ADD3: variants seen among roughly 807,000 people sequenced by gnomAD.
The protein encoded by ADD3 is gamma-adducin.
ADD3 carries 25 observed loss-of-function variants against 80.2 expected under a neutral mutation model. That is an observed-to-expected ratio of 0.31 (90% CI 0.23 to 0.44). The LOEUF (loss-of-function observed/expected upper bound fraction) is 0.44, where lower values mean the gene tolerates loss of function less well. Ranked by LOEUF, ADD3 falls within the 20% of genes least tolerant of loss-of-function variation. The probability of loss-of-function intolerance (pLI) is 1.00; values close to 1 mark genes in which losing one functional copy is unlikely to be tolerated. For missense variants in ADD3, 829 were observed against 847.5 expected (o/e 0.98, Z 0.27); for synonymous variants, 284 against 289.6 (o/e 0.98, Z 0.20).
intron 10 of ADD3, among the ~76,000 whole-genome samples, chr10:110,124,659 T>C (rs759665405): frequency 8.5e-5 from 13 of 152,184 alleles, no homozygotes; most frequent in Non-Finnish European, 2.9e-5. Flanking sequence ...CACCAGTGAA[T>C]TAAAACTGTA....
chr10:110,017,431 T>C (rs1176857593), intron 1 of ADD3, among the ~76,000 whole-genome samples: 2 of 152,232 alleles, frequency 1.3e-5, no homozygotes, highest in African/African-American at 2.4e-5. Flanking sequence ...CCTTCTGCTA[T>C]ATTTAAAACC....
chr10:110,006,876 C>T (rs1237073512), upstream of ADD3, among the ~76,000 whole-genome samples: 8 of 151,614 alleles, frequency 5.3e-5, no homozygotes, highest in African/African-American at 1.9e-4. Context: ...GGGTGGGGAA[C>T]GAAGTTTGTT....
intron 1 of ADD3, among the ~76,000 whole-genome samples, chr10:110,071,790 TG>T (rs1253171474): frequency 2.0e-5 from 3 of 152,214 alleles, no homozygotes; most frequent in African/African-American, 7.2e-5. Flanking sequence ...TTGTTTTAAA[TG>T]GGGATCATGC....
intron 1 of ADD3, among the ~76,000 whole-genome samples, chr10:110,086,768 C>T (rs1248429576): frequency 6.6e-6 from 1 of 152,150 alleles, no homozygotes; most frequent in Non-Finnish European, 1.5e-5. Context: ...GTAAATTAAA[C>T]CTCTTTATAG....
intron 1 of ADD3, among the ~76,000 whole-genome samples, chr10:110,072,820 T>C (rs942273270): frequency 6.6e-6 from 1 of 152,200 alleles, no homozygotes; most frequent in Non-Finnish European, 1.5e-5. Flanking sequence ...TGAGCCCTTC[T>C]ACAGTTCAAG....
chr10:110,038,566 A>G (rs1855931090), intron 1 of ADD3, among the ~76,000 whole-genome samples: 1 of 152,258 alleles, frequency 6.6e-6, no homozygotes, highest in Non-Finnish European at 1.5e-5. Context: ...AACAGATATA[A>G]AAGCCTGTCT....
intron 1 of ADD3, among the ~76,000 whole-genome samples, chr10:110,098,176 G>A (rs1848399238): frequency 6.6e-6 from 1 of 152,152 alleles, no homozygotes; most frequent in Non-Finnish European, 1.5e-5. Flanking sequence ...TGATTCAGAG[G>A]AGCCTGGTCT....
intron 1 of ADD3, among the ~76,000 whole-genome samples, chr10:110,014,907 C>T (rs1222688137): frequency 1.3e-5 from 2 of 151,960 alleles, no homozygotes; most frequent in Non-Finnish European, 2.9e-5. Flanking sequence ...CGGAGTCTCG[C>T]ACTGTTGCCA....
At chr10:110,073,230 C>T (rs1844990487) in intron 1 of ADD3, among the ~76,000 whole-genome samples, 2 of 150,272 alleles carry the variant, frequency 1.3e-5, no homozygotes, top group Non-Finnish European at 3.0e-5. Context: ...GCAAGCTCCA[C>T]CTCCCGGGTT....
At chr10:110,107,027 G>T (rs761121117) in intron 2 of ADD3, among the ~76,000 whole-genome samples, 1 of 152,078 alleles carries the variant, frequency 6.6e-6, no homozygotes. Context: ...ATTGAGATCA[G>T]ATTCTTCACT....
rs55769426 is a variant in ADD3 at position 110,112,714 on chromosome 10, G to A, written c.196-63G>A. The A allele has an allele frequency of 1.5e-4, 235 of 1,546,614 alleles. 1 individual carries two copies. The highest frequency in any genetic ancestry group is 8.4e-4 in the East Asian group (37 of 44,278). ...GGATGGGGTAAAGATTGATTGTATC[G>A]GAACAAGTTACTTTTGGGCCATTCA... On this transcript the variant is annotated intron_variant, in intron 2 of 14. Coordinates refer to ENST00000356080, the MANE Select transcript of ADD3 (RefSeq NM_016824.5).
intron 2 of ADD3, among the ~76,000 whole-genome samples, chr10:110,105,825 G>A (rs1341657062): frequency 6.6e-6 from 1 of 152,188 alleles, no homozygotes; most frequent in Non-Finnish European, 1.5e-5. Context: ...ACCATGATCT[G>A]TGGTCAGTTG....
intron 1 of ADD3, among the ~76,000 whole-genome samples, chr10:110,081,935 G>A (rs1846102774): frequency 6.6e-6 from 1 of 152,156 alleles, no homozygotes; most frequent in Non-Finnish European, 1.5e-5. Flanking sequence ...CAGTCCTATG[G>A]TGGCAAAATC....
chr10:110,048,905 TG>T (rs1857188534), intron 1 of ADD3, among the ~76,000 whole-genome samples: 1 of 152,162 alleles, frequency 6.6e-6, no homozygotes, highest in African/African-American at 2.4e-5. Flanking sequence ...GCCAAAACAA[TG>T]GGGAAAATGT....
chr10:110,103,850 G>A (rs1034869447), intron 2 of ADD3, among the ~76,000 whole-genome samples: 1 of 152,104 alleles, frequency 6.6e-6, no homozygotes, highest in Admixed American at 6.5e-5. Context: ...ACAGGTATGT[G>A]CCACCATGCC....
At chr10:110,108,657 T>C (rs1295843041) in intron 2 of ADD3, among the ~76,000 whole-genome samples, 1 of 152,178 alleles carries the variant, frequency 6.6e-6, no homozygotes, top group Non-Finnish European at 1.5e-5. Context: ...TAATTAGTAA[T>C]TTTTTATATT....
chr10:110,028,844 C>T (rs886675821), intron 1 of ADD3, among the ~76,000 whole-genome samples: 2 of 150,306 alleles, frequency 1.3e-5, no homozygotes, highest in African/African-American at 4.9e-5. Context: ...AATTAACTCT[C>T]GTCTTTCCCT....
intron 1 of ADD3, among the ~76,000 whole-genome samples, chr10:110,076,047 A>G (rs1159928096): frequency 6.6e-6 from 1 of 152,220 alleles, no homozygotes; most frequent in Non-Finnish European, 1.5e-5. Context: ...ATTAAAAATA[A>G]TATTTTCCTG....
At chr10:110,083,186 A>AG (rs1184471362) in intron 1 of ADD3, among the ~76,000 whole-genome samples, 2 of 152,218 alleles carry the variant, frequency 1.3e-5, no homozygotes, top group Non-Finnish European at 1.5e-5. Flanking sequence ...GGGAGAGCTA[A>AG]GATGGAGGAA....
Sources: gnomAD v4.1 joint callset for allele counts (sites outside exome capture counted in the v4.1 genomes callset) on GRCh38, gnomAD v4.1.1 for gene constraint, MANE v1.5 for transcripts, NCBI Gene and HGNC (gene_info 2026-07-23, HGNC 2026-07-21) for gene names.